ABCG1: variants seen among roughly 807,000 people sequenced by gnomAD.
ABCG1 encodes ATP-binding cassette sub-family G member 1.
In ABCG1, 29 loss-of-function variants were observed where a neutral mutation model predicts 69.2. The ratio of observed to expected loss-of-function variants is 0.42; its 90% CI spans 0.31 to 0.57. ABCG1 has a LOEUF of 0.57. ABCG1 is among the 20% of genes least tolerant of loss of function. The pLI, the probability that ABCG1 is intolerant of heterozygous loss-of-function variation, is 0.15. For synonymous variants in ABCG1, 370 were observed against 374.8 expected (o/e 0.99, Z 0.15); for missense variants, 718 against 898.1 (o/e 0.80, Z 2.56).
chr21:42,241,977 CAAAAA>C (rs35823612), intron 2 of ABCG1, among the ~76,000 whole-genome samples: 2 of 94,250 alleles, frequency 2.1e-5, no homozygotes, highest in Admixed American at 2.3e-4. Context: ...GACCCTGTCT[CAAAAA>C]AAAAAAAAAA....
chr21:42,264,848 T>G (rs1369050225), intron 2 of ABCG1, among the ~76,000 whole-genome samples: 1 of 152,092 alleles, frequency 6.6e-6, no homozygotes, highest in Non-Finnish European at 1.5e-5. Context: ...CTCCAGGGTC[T>G]TGACTGGGGG....
At chr21:42,265,860 G>C (rs1484598178) in intron 2 of ABCG1, among the ~76,000 whole-genome samples, 1 of 152,176 alleles carries the variant, frequency 6.6e-6, no homozygotes, top group African/African-American at 2.4e-5. Flanking sequence ...CCCCCTTAGT[G>C]AGGCAGCCCC....
intron 2 of ABCG1, among the ~76,000 whole-genome samples, chr21:42,253,596 C>A (rs1189881173): frequency 6.6e-6 from 1 of 152,086 alleles, no homozygotes; most frequent in Non-Finnish European, 1.5e-5. Context: ...TGGTATGACC[C>A]CCATGCCACT....
At chr21:42,248,498 C>T (rs574101383) in intron 2 of ABCG1, among the ~76,000 whole-genome samples, 5 of 152,180 alleles carry the variant, frequency 3.3e-5, no homozygotes, top group African/African-American at 1.2e-4. Context: ...CCTCTGTGGC[C>T]CAGCATTTTC....
intron 13 of ABCG1, among the ~76,000 whole-genome samples, chr21:42,292,192 CCTT>C (rs2069076458): frequency 6.6e-6 from 1 of 152,144 alleles, no homozygotes; most frequent in Non-Finnish European, 1.5e-5. Flanking sequence ...CTCAGCCTGT[CCTT>C]CTGGACAAAA....
At chr21:42,253,080 C>T (rs1391299481) in intron 2 of ABCG1, among the ~76,000 whole-genome samples, 1 of 152,158 alleles carries the variant, frequency 6.6e-6, no homozygotes, top group African/African-American at 2.4e-5. Flanking sequence ...CTTCAGGATG[C>T]AGTGGGCGAG....
chr21:42,296,592 G>T lies in ABCG1; in HGVS notation c.*200G>T. On this transcript the variant is annotated 3_prime_UTR_variant, in exon 15 of 15. Transcript: ENST00000398449. This position sits in a 1 kb window ranked among gnomAD's most constrained non-coding sequence, Gnocchi z 5.4. ...GATCTTCTCTCCATTCCCCTTTCTAGCTTTAACTAGGAAGATGTAGGCAGA... is the reference window on the plus strand; with the variant it reads ...GATCTTCTCTCCATTCCCCTTTCTATCTTTAACTAGGAAGATGTAGGCAGA... The T allele has an allele frequency of 1.8e-6, 1 of 570,910 alleles. No homozygotes were observed. Among genetic ancestry groups the T allele is most frequent in the South Asian group, 2.1e-5 (1 of 46,934 alleles). The allele number at this position is 570,910 out of a possible 1,614,324, so 35.4% of individuals were successfully genotyped here. A position where few individuals can be genotyped will look rare whatever the true frequency, so the allele number is the denominator to read the frequency against.
At chr21:42,214,581 G>A (rs2067619980), upstream of ABCG1, among the ~76,000 whole-genome samples, 1 of 152,208 alleles carries the variant, frequency 6.6e-6, no homozygotes, top group African/African-American at 2.4e-5. Flanking sequence ...CTGCTGTGTT[G>A]TCCCGGCCTG....
At chr21:42,216,090 G>A (rs2041516172), upstream of ABCG1, 1 of 446,234 alleles carries the variant, frequency 2.2e-6, no homozygotes, top group African/African-American at 2.0e-5. Context: ...TTATAAAGGG[G>A]AGTTTCCCTG....
intron 13 of ABCG1, among the ~76,000 whole-genome samples, chr21:42,294,132 A>G (rs1297345369): frequency 1.3e-5 from 2 of 152,124 alleles, no homozygotes; most frequent in Non-Finnish European, 2.9e-5. Context: ...CCCGCCTGTG[A>G]AGGCTGCAGT....
intron 2 of ABCG1, among the ~76,000 whole-genome samples, chr21:42,265,567 CA>C (rs1055873456): frequency 6.6e-6 from 1 of 152,296 alleles, no homozygotes; most frequent in East Asian, 1.9e-4. Context: ...CTGGCAGAGA[CA>C]GGGGAGGTCC....
At chr21:42,213,305 G>A (rs2067607505), upstream of ABCG1, among the ~76,000 whole-genome samples, 1 of 152,272 alleles carries the variant, frequency 6.6e-6, no homozygotes, top group African/African-American at 2.4e-5. Flanking sequence ...ACCTGCTGCA[G>A]TGTGTCTCCC....
At chr21:42,263,206 G>A (rs1189249422) in intron 2 of ABCG1, among the ~76,000 whole-genome samples, 2 of 152,230 alleles carry the variant, frequency 1.3e-5, no homozygotes, top group Non-Finnish European at 2.9e-5. Context: ...AGCCACAGCA[G>A]CTAACAGGGC....
At position 42,282,352 on chromosome 21, in the gene ABCG1, A is replaced by T; in HGVS notation, c.667A>T (p.Lys223Ter). 1 of 1,613,798 alleles carries T rather than the reference A, an allele frequency of 6.2e-7. No homozygotes were observed. Among genetic ancestry groups the T allele is most frequent in the Non-Finnish European group, 8.5e-7 (1 of 1,180,006 alleles). Residue 223 changes from lysine to a stop codon, truncating the protein, a stop_gained, in exon 6 of 15, where the codon AAG (lysine) becomes TAG (stop). Coordinates refer to ENST00000398449, the MANE Select transcript of ABCG1 (RefSeq NM_016818.3). LOFTEE classifies it high-confidence loss of function. ...RTGSLSGGQR[K>*]RLAIALELVN... ...CGGGAGCCTGTCAGGTGGTCAGCGC[A>T]AGCGCCTGGCCATCGCGCTGGAGCT...
Position 42,296,790 on chromosome 21 carries a change from C to T in ABCG1, c.*398C>T, listed in dbSNP as rs1016467012. On this transcript the variant is annotated 3_prime_UTR_variant, in exon 15 of 15. Transcript: ENST00000398449. This position sits in a 1 kb window ranked among gnomAD's most constrained non-coding sequence, Gnocchi z 5.4. ...CAAGCAGCCTCTCAGCTGATGGCTG[C>T]ACAGTCAGATGTCTGGTGGCAGAGA... 8.1e-6 allele frequency: 2 copies of T among 247,214 alleles called. No individual in the cohort carries two copies. Among genetic ancestry groups the T allele is most frequent in the South Asian group, 7.9e-5 (1 of 12,736 alleles). 15.3% of individuals were successfully genotyped at this position (247,214 alleles called of 1,614,324 possible).
At chr21:42,233,331 C>G (rs779584174) in intron 2 of ABCG1, among the ~76,000 whole-genome samples, 6 of 152,300 alleles carry the variant, frequency 3.9e-5, no homozygotes, top group Middle Eastern at 3.4e-3. Context: ...CAAAAGGAGT[C>G]GTGCTGCCGT....
chr21:42,227,052 A>G (rs2067828410), intron 2 of ABCG1, among the ~76,000 whole-genome samples: 1 of 152,146 alleles, frequency 6.6e-6, no homozygotes, highest in African/African-American at 2.4e-5. Context: ...GGGCAGTCCC[A>G]TCTTCATTGT....
At chr21:42,251,670 G>T (rs928611662) in intron 2 of ABCG1, among the ~76,000 whole-genome samples, 1 of 152,180 alleles carries the variant, frequency 6.6e-6, no homozygotes, top group East Asian at 1.9e-4. Flanking sequence ...GTGTCTGGAA[G>T]GGCCCAATTG....
chr21:42,210,960 T>G (rs1206898881), intron 2 of ABCG1, among the ~76,000 whole-genome samples: 1 of 123,502 alleles, frequency 8.1e-6, no homozygotes, highest in African/African-American at 3.5e-5. Context: ...TTCTTTCTTC[T>G]TTTTTTTTTT....
Sources: gnomAD v4.1 joint callset for allele counts (sites outside exome capture counted in the v4.1 genomes callset) on GRCh38, gnomAD v4.1.1 for gene constraint, Gnocchi (gnomAD v3.1) non-coding constraint, MANE v1.5 for transcripts, NCBI Gene and HGNC (gene_info 2026-07-23, HGNC 2026-07-21) for gene names.